The following SLMAP variants were observed in gnomAD, a reference collection of about 807,000 sequenced individuals.
SLMAP encodes the protein sarcolemma associated protein.
A neutral mutation model predicts 128.8 loss-of-function variants in SLMAP; 44 were observed. That is an observed-to-expected ratio of 0.34 (90% CI 0.27 to 0.44). The LOEUF (loss-of-function observed/expected upper bound fraction) is 0.44, where lower values mean the gene tolerates loss of function less well. Ranked by LOEUF, SLMAP falls within the 20% of genes least tolerant of loss-of-function variation. SLMAP has a pLI of 1.00. For missense variants in SLMAP, 787 were observed against 985.3 expected (o/e 0.80, Z 2.69); for synonymous variants, 327 against 348.8 (o/e 0.94, Z 0.70).
rs1576301804 is a variant in SLMAP at position 57,912,794 on chromosome 3, T to C, written c.2020+93T>C. On this transcript the variant is annotated intron_variant, in intron 20 of 24. Transcript: ENST00000671191. ...AAGAAACATGCAGGCTTTTTTTTTCTTTGTTAGCTATCAGTTGTATAAACC... is the reference window on the plus strand; with the variant it reads ...AAGAAACATGCAGGCTTTTTTTTTCCTTGTTAGCTATCAGTTGTATAAACC... 5.3e-6 allele frequency: 5 copies of C among 941,992 alleles called. 1 individual carries two copies. In the South Asian group the frequency reaches 9.4e-5, roughly 18 times the overall value. The allele number at this position is 941,992 out of a possible 1,614,324, so 58.4% of individuals were successfully genotyped here.
intron 4 of SLMAP, among the ~76,000 whole-genome samples, chr3:57,846,597 C>T (rs1358991321): frequency 1.4e-5 from 2 of 147,148 alleles, no homozygotes; most frequent in African/African-American, 5.1e-5. Flanking sequence ...CACTTTGTCA[C>T]CCAGGCTGGA....
At chr3:57,786,750 TTG>T (rs2084243868) in intron 2 of SLMAP, among the ~76,000 whole-genome samples, 1 of 148,832 alleles carries the variant, frequency 6.7e-6, no homozygotes, top group Non-Finnish European at 1.5e-5. Context: ...TTTTTTTTTT[TTG>T]AGTTGGAGTC....
intron 2 of SLMAP, among the ~76,000 whole-genome samples, chr3:57,799,528 A>G (rs1328632288): frequency 6.6e-6 from 1 of 152,136 alleles, no homozygotes; most frequent in East Asian, 1.9e-4. Flanking sequence ...TTCTCTCCAC[A>G]TGTTTTTCTT....
chr3:57,768,802 C>T lies in SLMAP; in HGVS notation c.198+10953C>T, dbSNP rs79770712. Among the ~76,000 whole-genome samples, 608 of 152,010 alleles carry T rather than the reference C, an allele frequency of 4.0e-3. 2 individuals are homozygous for T. The highest frequency in any genetic ancestry group is 0.01 in the Middle Eastern group (3 of 294). ...ATGTGGGTGGGCCTCTCTAATCAGT[C>T]GAAGGCCTTAAAAAAAAAGACTGAG... On this transcript the variant is annotated intron_variant, in intron 2 of 24. Coordinates refer to ENST00000671191, the MANE Select transcript of SLMAP (RefSeq NM_001377540.1).
At position 57,775,948 on chromosome 3, in the gene SLMAP, C is replaced by G. The variant is rs183513579; in HGVS notation, c.198+18099C>G. ...TCCTAACCTCAGGTGATCCAGCTGC[C>G]TCGGCCTCCCAAAGTGTTGGGATTA... On this transcript the variant is annotated intron_variant, in intron 2 of 24. Transcript: ENST00000671191. Among the ~76,000 whole-genome samples, 38 of 152,294 alleles carry G rather than the reference C, an allele frequency of 2.5e-4. No individual in the cohort carries two copies. In the East Asian group the frequency reaches 7.2e-3, roughly 29 times the overall value.
chr3:57,828,763 G>T (rs2093113804), intron 2 of SLMAP, among the ~76,000 whole-genome samples: 2 of 152,076 alleles, frequency 1.3e-5, no homozygotes, highest in African/African-American at 4.8e-5. Context: ...AAAAGAACCT[G>T]GGTTGATATT....
chr3:57,845,395 G>A (rs945426900), intron 4 of SLMAP, among the ~76,000 whole-genome samples: 2 of 152,194 alleles, frequency 1.3e-5, no homozygotes, highest in Admixed American at 1.3e-4. Flanking sequence ...CAGCATTTTA[G>A]TGTATTTGTG....
rs2096722242 is a variant in SLMAP at position 57,912,424 on chromosome 3, G to A, written c.1743G>A (p.Glu581=). The A allele has an allele frequency of 6.2e-7, 1 of 1,613,716 alleles. No homozygotes were observed. Among genetic ancestry groups the A allele is most frequent in the South Asian group, 1.1e-5 (1 of 91,076 alleles). The change falls in exon 20 of 25, where the codon GAG becomes GAA. Residue 581 remains glutamate, a synonymous_variant. Coordinates refer to ENST00000671191, the MANE Select transcript of SLMAP (RefSeq NM_001377540.1). ...RLHIDTENLR[E]EKDSEITSTR... The stretch of plus-strand genomic sequence containing the variant: ...ACATCGATACTGAGAATCTCCGGGA[G>A]GAGAAGGACAGTGAAATCACAAGTA...
chr3:57,780,826 A>T (rs1421648710), intron 2 of SLMAP, among the ~76,000 whole-genome samples: 1 of 151,454 alleles, frequency 6.6e-6, no homozygotes, highest in Non-Finnish European at 1.5e-5. Context: ...AATTTTTTTT[A>T]GAGATAGGGT....
intron 2 of SLMAP, among the ~76,000 whole-genome samples, chr3:57,780,840 G>T (rs996674153): frequency 6.6e-6 from 1 of 151,496 alleles, no homozygotes; most frequent in African/African-American, 2.4e-5. Flanking sequence ...ATAGGGTCTC[G>T]CTGTGTTGCC....
intron 2 of SLMAP, among the ~76,000 whole-genome samples, chr3:57,771,862 C>T (rs1385130141): frequency 6.6e-6 from 1 of 152,194 alleles, no homozygotes; most frequent in Non-Finnish European, 1.5e-5. Context: ...TAAGTTTGTA[C>T]AGTTTCCCTG....
intron 10 of SLMAP, among the ~76,000 whole-genome samples, chr3:57,862,845 A>G (rs2095150548): frequency 6.6e-6 from 1 of 152,200 alleles, no homozygotes; most frequent in Non-Finnish European, 1.5e-5. Context: ...ATTTGGTAAC[A>G]GTTGAAATTT....
Position 57,909,093 on chromosome 3 carries a change from A to G in SLMAP, c.1642A>G (p.Arg548Gly), listed in dbSNP as rs2096632561. The G allele has an allele frequency of 6.8e-6, 11 of 1,610,530 alleles. No individual in the cohort carries two copies. Among genetic ancestry groups the G allele is most frequent in the Non-Finnish European group, 9.3e-6 (11 of 1,177,802 alleles). ...ACTTTTAGCTCTTTTGGAAGAAGAA[A>G]GAAAAGCCTATCGAAATCAAGTTGA... is the stretch of plus-strand genomic sequence containing the variant. ...FELQALLEEE[R>G]KAYRNQVEES... Residue 548 changes from arginine (R) to glycine (G), a missense_variant, in exon 19 of 25, where the codon AGA becomes GGA. By Grantham distance (125) the Arg-to-Gly change is moderately radical. Coordinates refer to ENST00000671191, the MANE Select transcript of SLMAP (RefSeq NM_001377540.1).
At chr3:57,792,155 C>T (rs1280208908) in intron 2 of SLMAP, among the ~76,000 whole-genome samples, 5 of 151,812 alleles carry the variant, frequency 3.3e-5, no homozygotes, top group East Asian at 1.9e-4. Flanking sequence ...TATTTAGATG[C>T]GACCTTCTTA....
intron 2 of SLMAP, among the ~76,000 whole-genome samples, chr3:57,794,940 C>G (rs1182828281): frequency 6.6e-6 from 1 of 152,070 alleles, no homozygotes; most frequent in Non-Finnish European, 1.5e-5. Flanking sequence ...GGGTACATAC[C>G]TTGGAATTGA....
intron 2 of SLMAP, among the ~76,000 whole-genome samples, chr3:57,819,880 T>C (rs1199013912): frequency 3.3e-5 from 5 of 151,868 alleles, no homozygotes; most frequent in Non-Finnish European, 7.4e-5. Context: ...AGACTCCAAG[T>C]AGGTGGGACC....
chr3:57,827,473 A>T (rs569628696), intron 2 of SLMAP, among the ~76,000 whole-genome samples: 4 of 152,240 alleles, frequency 2.6e-5, no homozygotes, highest in African/African-American at 9.6e-5. Context: ...GACAGGGGTA[A>T]ACCTTTCAAT....
intron 17 of SLMAP, chr3:57,899,359 A>G (rs6764482): frequency 0.25 from 37,280 of 152,120 alleles, 5,203 homozygotes; most frequent in Non-Finnish European, 0.32. Flanking sequence ...TGCAGATGCT[A>G]TTAGTAATTG....
chr3:57,778,629 T>C (rs1334105942), intron 2 of SLMAP, among the ~76,000 whole-genome samples: 1 of 149,330 alleles, frequency 6.7e-6, no homozygotes, highest in East Asian at 1.9e-4. Flanking sequence ...AGCTGGAGTG[T>C]GGTGGTGCAA....
Sources: allele counts gnomAD v4.1 joint callset (sites outside exome capture counted in the v4.1 genomes callset), GRCh38; gene constraint gnomAD v4.1.1; transcripts MANE v1.5; gene names NCBI Gene and HGNC (gene_info 2026-07-23, HGNC 2026-07-21).